Variants in OPLAH observed in about 807,000 individuals in gnomAD.
OPLAH encodes the protein 5-oxoprolinase, ATP-hydrolysing, also known as 5-oxoprolinase.
A neutral mutation model predicts 122.8 loss-of-function variants in OPLAH; 103 were observed. The ratio of observed to expected loss-of-function variants is 0.84; its 90% CI spans 0.71 to 0.99. The LOEUF (loss-of-function observed/expected upper bound fraction) is 0.99. OPLAH is among the 50% of genes least tolerant of loss of function. The pLI, the probability that OPLAH is intolerant of heterozygous loss-of-function variation, is 0.00. For missense variants in OPLAH, 1,902 were observed against 1,836.5 expected, an observed-to-expected ratio of 1.04 and a Z score of -0.65; for synonymous variants, 875 against 796.0, an observed-to-expected ratio of 1.10 and a Z score of -1.67.
rs1224173584 is a variant in OPLAH at position 144,055,839 on chromosome 8, G to C, written c.2197C>G (p.Leu733Val). ...AAGATGGACAGCTGGATAGGGTCCA[G>C]CTGGGGGCCCACTGTGCCGGGGACT... ...AEVPGTVGPQ[L>V]DPIQLSIFSH... Residue 733 changes from leucine to valine, a missense_variant, in exon 16 of 27, where the codon CTG becomes GTG. Leu to Val is a conservative substitution (Grantham distance 32). Around this residue, in one of 3 missense-constraint regions of OPLAH, gnomAD observed 1,726 missense variants for 1,642.1 expected, o/e 1.05. Coordinates refer to ENST00000618853, the MANE Select transcript of OPLAH (RefSeq NM_017570.5). This position sits in a 1 kb window ranked among gnomAD's most constrained non-coding sequence, Gnocchi z 6.5. 7.0e-6 allele frequency: 11 copies of C among 1,574,270 alleles called. No homozygotes were observed. The Admixed American group carries it at 1.3e-4, about 18-fold the overall frequency.
In OPLAH at chr8:144,051,971, C is replaced by T. The variant is rs2129742559; in HGVS notation, c.3567G>A (p.Glu1189=). The T allele has an allele frequency of 6.3e-7, 1 of 1,576,106 alleles. No individual in the cohort carries two copies. Among genetic ancestry groups the T allele is most frequent in the Non-Finnish European group, 8.5e-7 (1 of 1,169,612 alleles). ...GVTRELLFRE[E]ALLSVLTERR... ...GCTCGGTCAGCACTGACAGCAGCGC[C>T]TCCTCACGAAAGAGCAGCTCGCGGG... The change falls in exon 25 of 27, where the codon GAG becomes GAA. Residue 1189 remains glutamate (E), a synonymous_variant. Coordinates refer to ENST00000618853, the MANE Select transcript of OPLAH (RefSeq NM_017570.5).
chr8:144,051,699 G>A (rs1835379934), intron 26 of OPLAH, 30 bp downstream of exon 26: 1 of 1,517,118 alleles, frequency 6.6e-7, no homozygotes, highest in Non-Finnish European at 9.0e-7. Context: ...GAGGGGAGGG[G>A]AGGGGGACAG....
chr8:144,052,422 C>G (rs984707481), intron 23 of OPLAH, 27 bp downstream of exon 23: 27 of 1,530,914 alleles, frequency 1.8e-5, no homozygotes, highest in Admixed American at 4.0e-5. Context: ...AGTCCGCCCC[C>G]GAGCTGCGCC....
At chr8:144,053,981 C>G (rs376806797) in intron 19 of OPLAH, among the ~76,000 whole-genome samples, 151 of 129,212 alleles carry the variant, frequency 1.2e-3, no homozygotes, top group African/African-American at 4.1e-3. Context: ...CCCCACCCCC[C>G]GCCCTCGCTC....
chr8:144,058,352 G>T lies in OPLAH; in HGVS notation c.836C>A (p.Thr279Asn). The stretch of plus-strand genomic sequence containing the variant: ...GAGCACAGCACTGGAGCCGCTGAAG[G>T]TGTCCATGGGCGCCAGGCCGCCATC... ...RSDGGLAPMD[T>N]FSGSSAVLSG... The change falls in exon 7 of 27, where the codon ACC becomes AAC. Residue 279 changes from threonine (T) to asparagine (N), a missense_variant. This residue lies in a region of OPLAH where 1,726 missense variants were observed against 1,642.1 expected (regional missense o/e 1.05). Coordinates refer to ENST00000618853, the MANE Select transcript of OPLAH (RefSeq NM_017570.5). 1 of 1,596,990 alleles carries T rather than the reference G, an allele frequency of 6.3e-7. No individual in the cohort carries two copies. The highest frequency in any genetic ancestry group is 1.1e-5 in the South Asian group (1 of 89,804).
chr8:144,052,474 G>T lies in OPLAH; in HGVS notation c.3278C>A (p.Ala1093Asp). 1 of 1,551,276 alleles carries T rather than the reference G, an allele frequency of 6.4e-7. No individual in the cohort carries two copies. The highest frequency in any genetic ancestry group is 8.7e-7 in the Non-Finnish European group (1 of 1,154,646). The change falls in exon 23 of 27, where the codon GCC (alanine) becomes GAC (aspartate). Residue 1093 changes from alanine to aspartate, a missense_variant. Ala to Asp is a moderately radical substitution (Grantham distance 126). Around this residue, in one of 3 missense-constraint regions of OPLAH, gnomAD observed 1,726 missense variants for 1,642.1 expected, o/e 1.05. Transcript: ENST00000618853. The part of the protein sequence containing the change: ...SQRVVDVILG[A>D]FGACAASQGC... ...CTGGGAGGCGGCGCAGGCCCCAAAG[G>T]CCCCCAGGATGACATCCACCACGCG... is the stretch of plus-strand genomic sequence containing the variant.
In OPLAH at chr8:144,057,238, G is replaced by A. The variant is rs1184036113; in HGVS notation, c.1505C>T (p.Ala502Val). The A allele has an allele frequency of 2.5e-6, 4 of 1,612,144 alleles. No individual in the cohort carries two copies. The highest frequency in any genetic ancestry group is 1.3e-5 in the African/African-American group (1 of 74,942). Residue 502 changes from alanine to valine, a missense_variant, in exon 11 of 27, where the codon GCC becomes GTC. Coordinates refer to ENST00000618853, the MANE Select transcript of OPLAH (RefSeq NM_017570.5). ...GGQHACAIAR[A>V]LGMDTVHIHR... Reference sequence around the variant, plus strand: ...GATGTGCACCGTGTCCATGCCCAGGGCCCGGGCGATGGCACATGCATGCTG... The same window carrying A: ...GATGTGCACCGTGTCCATGCCCAGGACCCGGGCGATGGCACATGCATGCTG...
rs1554757930 is a variant in OPLAH, at chr8:144,052,506, C to A, written c.3246G>T (p.Thr1082=). The A allele has an allele frequency of 6.3e-7, 1 of 1,577,392 alleles. No individual in the cohort carries two copies. The highest frequency in any genetic ancestry group is 1.1e-5 in the South Asian group (1 of 87,492). ...GGATGACATCCACCACGCGCTGCGA[C>A]GTGAGCACGTTGCCGCCCACCACCG... is the stretch of plus-strand genomic sequence containing the variant. ...EAAVVGGNVL[T]SQRVVDVILG... The change falls in exon 23 of 27, where the codon ACG becomes ACT. Residue 1082 remains threonine, a synonymous_variant. Coordinates refer to ENST00000618853, the MANE Select transcript of OPLAH (RefSeq NM_017570.5).
chr8:144,061,968 T>G (rs1175154877), upstream of OPLAH, among the ~76,000 whole-genome samples: 1 of 140,866 alleles, frequency 7.1e-6, no homozygotes, highest in African/African-American at 2.7e-5. Flanking sequence ...TGCAGTGAGA[T>G]GAGATCGCAC....
Position 144,052,736 on chromosome 8 carries a change from GC to G in OPLAH, c.3153+29del, listed in dbSNP as rs781901004. 3.1e-5 allele frequency: 49 copies of G among 1,556,694 alleles called. No individual in the cohort carries two copies. In the South Asian group the frequency reaches 3.3e-4, roughly 11 times the overall value. On this transcript the variant is annotated intron_variant, in intron 22 of 26. Transcript: ENST00000618853. ...GCACTCAGGGTGACCTCGGGCTGGG[GC>G]CCCCCCTCGCGCACACACCCCTGCG...
Position 144,057,221 on chromosome 8 carries a change from C to A in OPLAH, c.1522G>T (p.Val508Leu). 6 of 1,611,804 alleles carry A rather than the reference C, an allele frequency of 3.7e-6. No individual in the cohort carries two copies. The highest frequency in any genetic ancestry group is 5.1e-6 in the Non-Finnish European group (6 of 1,179,564). The stretch of plus-strand genomic sequence containing the variant: ...ACCCAGGCCCACCTGTGGATGTGCA[C>A]CGTGTCCATGCCCAGGGCCCGGGCG... ...AIARALGMDTVHIHRHSGLLS... is the reference protein window; with the variant it reads ...AIARALGMDTLHIHRHSGLLS... The change falls in exon 11 of 27, where the codon GTG (valine) becomes TTG (leucine). Residue 508 changes from valine (V) to leucine (L), a missense_variant. Transcript: ENST00000618853.
In OPLAH at chr8:144,058,601, C is replaced by T. The variant is rs997494245; in HGVS notation, c.678G>A (p.Val226=). The change falls in exon 6 of 27, where the codon GTG becomes GTA. Residue 226 remains valine, a synonymous_variant. Coordinates refer to ENST00000618853, the MANE Select transcript of OPLAH (RefSeq NM_017570.5). ...VSLSSEAMPM[V]RIVPRGHTAC... ...CCGTGTGCCCCCGAGGGACGATGCG[C>T]ACCATGGGCATGGCCTCCGAGGACA... 3.1e-6 allele frequency: 5 copies of T among 1,603,240 alleles called. No homozygotes were observed. The highest frequency in any genetic ancestry group is 2.7e-5 in the African/African-American group (2 of 74,914).
At position 144,059,904 on chromosome 8, in the gene OPLAH, A is replaced by G. The variant is rs1490923474; in HGVS notation, c.129T>C (p.Tyr43=). Residue 43 remains tyrosine (Y), a synonymous_variant, in exon 2 of 27, where the codon TAT becomes TAC. Coordinates refer to ENST00000618853, the MANE Select transcript of OPLAH (RefSeq NM_017570.5). The part of the protein sequence containing the change: ...LKLLSEDPAN[Y]ADAPTEGIRR... ...GGATGCCTTCGGTTGGCGCGTCCGC[A>G]TAGTTGGCAGGGTCCTCTGAGAGCA... The G allele has an allele frequency of 6.2e-7, 1 of 1,612,770 alleles. No individual in the cohort carries two copies. The highest frequency in any genetic ancestry group is 8.5e-7 in the Non-Finnish European group (1 of 1,179,826).
chr8:144,056,440 C>T lies in OPLAH; in HGVS notation c.1928G>A (p.Gly643Asp), dbSNP rs782504730. Residue 643 changes from glycine (G) to aspartate (D), a missense_variant, in exon 14 of 27, where the codon GGT becomes GAT. Gly to Asp is a moderately conservative substitution (Grantham distance 94). Coordinates refer to ENST00000618853, the MANE Select transcript of OPLAH (RefSeq NM_017570.5). ...TTTGGGGGCATCCTCGAGGCGAAGA[C>T]CACTGCGGCCGGTGCCCCGCACTCG... ...DVRVRGTGRS[G>D]LRLEDAPKAQ... is the part of the protein sequence containing the mutation. 5 of 1,610,254 alleles carry T rather than the reference C, an allele frequency of 3.1e-6. No homozygotes were observed. The East Asian group carries it at 1.1e-4, about 36-fold the overall frequency.
Position 144,053,153 on chromosome 8 carries a change from T to C in OPLAH, c.2872-24A>G, listed in dbSNP as rs573146373. The C allele has an allele frequency of 9.8e-5, 158 of 1,607,658 alleles. 2 individuals carry two copies. In the South Asian group the frequency reaches 1.3e-3, roughly 13 times the overall value. On this transcript the variant is annotated intron_variant, in intron 20 of 26. Transcript: ENST00000618853. ...GCCTGGCAGGGAGCAGGATCAGTGGTGGCCAGGTCACCTGCAGGATGGCCC... is the reference window on the plus strand; with the variant it reads ...GCCTGGCAGGGAGCAGGATCAGTGGCGGCCAGGTCACCTGCAGGATGGCCC...
chr8:144,051,453 G>A lies in OPLAH; in HGVS notation c.3740C>T (p.Thr1247Met). The change falls in exon 27 of 27, where the codon ACG becomes ATG. Residue 1247 changes from threonine (T) to methionine (M), a missense_variant. Around this residue, in one of 3 missense-constraint regions of OPLAH, gnomAD observed 1,726 missense variants for 1,642.1 expected, o/e 1.05. Coordinates refer to ENST00000618853, the MANE Select transcript of OPLAH (RefSeq NM_017570.5). ...VYPGDVFCLH[T>M]PGGGGYGDPE... ...GTCCCCATAGCCACCGCCGCCGGGC[G>A]TGTGGAGACAGAACACATCCTGTTG... is the stretch of plus-strand genomic sequence containing the variant. 1.3e-6 allele frequency: 2 copies of A among 1,535,732 alleles called. No homozygotes were observed. Among genetic ancestry groups the A allele is most frequent in the Non-Finnish European group, 1.7e-6 (2 of 1,146,250 alleles).
In OPLAH at chr8:144,052,273, C is replaced by A; in HGVS notation, c.3357G>T (p.Thr1119=). 4 of 1,536,536 alleles carry A rather than the reference C, an allele frequency of 2.6e-6. No individual in the cohort carries two copies. Among genetic ancestry groups the A allele is most frequent in the Non-Finnish European group, 3.5e-6 (4 of 1,146,220 alleles). ...LGNAHMGYYE[T]VAGGAGAGPS... is the part of the protein sequence containing the mutation. Reference sequence around the variant, plus strand: ...GACCCGCGCCCGCGCCGCCCGCCACCGTCTCGTAGTAGCCCATGTGGGCGT... The same window carrying A: ...GACCCGCGCCCGCGCCGCCCGCCACAGTCTCGTAGTAGCCCATGTGGGCGT... The change falls in exon 24 of 27, where the codon ACG becomes ACT. Residue 1119 remains threonine, a synonymous_variant. Coordinates refer to ENST00000618853, the MANE Select transcript of OPLAH (RefSeq NM_017570.5).
upstream of OPLAH, among the ~76,000 whole-genome samples, chr8:144,063,513 G>A (rs1485270776): frequency 9.9e-5 from 15 of 152,150 alleles, no homozygotes; most frequent in Admixed American, 2.6e-4. The surrounding 1 kb of genome is among the most constrained non-coding windows in gnomAD (Gnocchi z 4.2). Context: ...CTGGAAAGCC[G>A]CGCCCCAGCC....
chr8:144,050,868 G>T (rs1413948076), downstream of OPLAH: 3 of 992,500 alleles, frequency 3.0e-6, no homozygotes, highest in Admixed American at 1.2e-4. Flanking sequence ...GGTGAGTTGC[G>T]ACCTGGATGT....
Sources: allele counts gnomAD v4.1 joint callset (sites outside exome capture counted in the v4.1 genomes callset), GRCh38; gene constraint gnomAD v4.1.1; regional missense constraint gnomAD v4.1.1; non-coding constraint Gnocchi (gnomAD v3.1); transcripts MANE v1.5; gene names NCBI Gene and HGNC (gene_info 2026-07-23, HGNC 2026-07-21).